Variants in AGBL4 observed in about 807,000 individuals in gnomAD.
AGBL4 encodes the protein AGBL carboxypeptidase 4, also known as cytosolic carboxypeptidase 6.
AGBL4 carries 58 observed loss-of-function variants against 66.4 expected under a neutral mutation model. The observed-to-expected ratio is 0.87, with a 90% confidence interval of 0.71 to 1.09. AGBL4 has a LOEUF of 1.09. Among genes scored for constraint, AGBL4 ranks in the 50% least tolerant of loss-of-function variants. AGBL4 has a pLI of 0.00. For synonymous variants in AGBL4, 234 were observed against 222.9 expected, an observed-to-expected ratio of 1.05 and a Z score of -0.44; for missense variants, 579 against 631.0, an observed-to-expected ratio of 0.92 and a Z score of 0.88.
chr1:49,842,053 C>T (rs1347424120), intron 2 of AGBL4: 2 of 374,658 alleles, frequency 5.3e-6, no homozygotes, highest in Non-Finnish European at 1.0e-5. Flanking sequence ...TCCTTGTGCC[C>T]AGCCTCTACT....
intron 3 of AGBL4, among the ~76,000 whole-genome samples, chr1:49,496,358 G>A (rs1439139383): frequency 2.0e-5 from 3 of 151,746 alleles, no homozygotes; most frequent in Non-Finnish European, 4.4e-5. Flanking sequence ...AACATACAAA[G>A]CCTCACGTAC....
At chr1:50,018,923 A>T (rs1455271000) in intron 1 of AGBL4, among the ~76,000 whole-genome samples, 3 of 152,154 alleles carry the variant, frequency 2.0e-5, no homozygotes, top group Non-Finnish European at 2.9e-5. Flanking sequence ...GTAAGTCCAC[A>T]TTCCCTTTTC....
chr1:49,669,590 T>A (rs937412057), intron 3 of AGBL4, among the ~76,000 whole-genome samples: 3 of 152,144 alleles, frequency 2.0e-5, no homozygotes, highest in Admixed American at 2.0e-4. Flanking sequence ...CTGTGAACTA[T>A]AAATGGCATC....
intron 6 of AGBL4, among the ~76,000 whole-genome samples, chr1:48,680,372 T>G (rs1404707197): frequency 6.6e-6 from 1 of 152,218 alleles, no homozygotes; most frequent in African/African-American, 2.4e-5. Context: ...TTTTGTTTGC[T>G]TATTTGTTTT....
rs556621378 is a variant in AGBL4, at chr1:49,216,969, C to G, written c.377+28801G>C. 2.0e-5 allele frequency among the ~76,000 whole-genome samples: 3 copies of G among 152,258 alleles called. No individual in the cohort carries two copies. The East Asian group carries it at 5.8e-4, about 29-fold the overall frequency. ...GGAATTAATGCCAGCCTTGCAACCT[C>G]TTCTCATACAAAATACCTCCTAACA... On this transcript the variant is annotated intron_variant, in intron 4 of 13. Transcript: ENST00000371839.
chr1:48,837,711 C>CTATATATATATATATATATATATATATA (rs58650623), intron 6 of AGBL4, among the ~76,000 whole-genome samples: 2 of 82,308 alleles, frequency 2.4e-5, no homozygotes, highest in East Asian at 6.9e-4. Flanking sequence ...CACACACACA[C>CTATATATATATATATATATATATATATA]TATATATATA....
intron 5 of AGBL4, among the ~76,000 whole-genome samples, chr1:49,012,105 T>G (rs1662479361): frequency 6.6e-6 from 1 of 151,746 alleles, no homozygotes; most frequent in Non-Finnish European, 1.5e-5. Context: ...GGAGGGCTAC[T>G]GTACAATGGT....
chr1:48,539,949 A>C (rs1644037808), intron 11 of AGBL4, among the ~76,000 whole-genome samples: 1 of 152,202 alleles, frequency 6.6e-6, no homozygotes, highest in Non-Finnish European at 1.5e-5. Context: ...ACTGAGGTGC[A>C]CAGAAGTGAA....
chr1:49,833,344 T>C (rs1557493327), intron 2 of AGBL4, among the ~76,000 whole-genome samples: 1 of 151,602 alleles, frequency 6.6e-6, no homozygotes, highest in Non-Finnish European at 1.5e-5. Flanking sequence ...TTCTGTTCCA[T>C]TGATCTATAT....
chr1:49,473,551 T>C (rs1355009609), intron 3 of AGBL4, among the ~76,000 whole-genome samples: 1 of 152,098 alleles, frequency 6.6e-6, no homozygotes, highest in Non-Finnish European at 1.5e-5. Flanking sequence ...CTCTGTCAGT[T>C]TGCAAATAAA....
intron 4 of AGBL4, among the ~76,000 whole-genome samples, chr1:49,083,080 C>G (rs557089679): frequency 1.3e-5 from 2 of 152,316 alleles, no homozygotes; most frequent in South Asian, 4.1e-4. Flanking sequence ...GGCAGCTCTG[C>G]CCCTGTGGCT....
At position 49,429,404 on chromosome 1, in the gene AGBL4, G is replaced by T. The variant is rs564320382; in HGVS notation, c.283-183540C>A. The stretch of plus-strand genomic sequence containing the variant: ...ATAATATATGTGTAGTATTAATAAT[G>T]CCAGTTAAAGAATTTTTAAGAAGAG... On this transcript the variant is annotated intron_variant, in intron 3 of 13. Transcript: ENST00000371839. Among the ~76,000 whole-genome samples the T allele has an allele frequency of 5.9e-5, 9 of 152,266 alleles. No homozygotes were observed. The South Asian group carries it at 1.9e-3, about 32-fold the overall frequency.
intron 3 of AGBL4, among the ~76,000 whole-genome samples, chr1:49,280,020 A>C: frequency 6.6e-6 from 1 of 152,294 alleles, no homozygotes; most frequent in East Asian, 1.9e-4. Context: ...CCTGCAGATA[A>C]CATTACTATT....
intron 3 of AGBL4, among the ~76,000 whole-genome samples, chr1:49,592,627 T>G (rs918318710): frequency 6.6e-6 from 1 of 151,962 alleles, no homozygotes; most frequent in African/African-American, 2.4e-5. Flanking sequence ...TGAACAAGCA[T>G]ATGGAAAAAA....
chr1:48,956,239 G>C (rs754213672), intron 5 of AGBL4, among the ~76,000 whole-genome samples: 20 of 152,170 alleles, frequency 1.3e-4, no homozygotes, highest in Non-Finnish European at 2.4e-4. Flanking sequence ...TTGGCCCTCA[G>C]TGGCATCTGT....
intron 2 of AGBL4, among the ~76,000 whole-genome samples, chr1:49,814,557 T>C (rs1645185526): frequency 6.6e-6 from 1 of 150,954 alleles, no homozygotes; most frequent in Non-Finnish European, 1.5e-5. Flanking sequence ...CTTTCTTCTC[T>C]CCCTTGCTTG....
At chr1:49,548,605 CCTGA>C (rs1652697767) in intron 3 of AGBL4, among the ~76,000 whole-genome samples, 1 of 152,132 alleles carries the variant, frequency 6.6e-6, no homozygotes, top group Admixed American at 6.5e-5. Context: ...TTAAACCATG[CCTGA>C]ATCCCTGGTA....
chr1:49,231,494 G>C (rs1202709582), intron 4 of AGBL4, among the ~76,000 whole-genome samples: 1 of 152,184 alleles, frequency 6.6e-6, no homozygotes, highest in Non-Finnish European at 1.5e-5. Flanking sequence ...GCAGATCATA[G>C]GGTGGAATGC....
chr1:48,534,030 A>G lies in AGBL4; in HGVS notation c.*143T>C. The G allele has an allele frequency of 7.6e-7, 1 of 1,310,658 alleles. No individual in the cohort carries two copies. Among genetic ancestry groups the G allele is most frequent in the African/African-American group, 1.5e-5 (1 of 67,778 alleles). 81.2% of individuals were successfully genotyped at this position (1,310,658 alleles called of 1,614,324 possible). On this transcript the variant is annotated 3_prime_UTR_variant, in exon 14 of 14. Coordinates refer to ENST00000371839, the MANE Select transcript of AGBL4 (RefSeq NM_032785.4). ...TGGAAAAAGGGAAAATCAGTGATGA[A>G]GTTTCTCATTGTATCCCTTCCCTTT...
Sources: allele counts gnomAD v4.1 joint callset (sites outside exome capture counted in the v4.1 genomes callset), GRCh38; gene constraint gnomAD v4.1.1; transcripts MANE v1.5; gene names NCBI Gene and HGNC (gene_info 2026-07-23, HGNC 2026-07-21).